Variants in TTC28 observed in about 807,000 individuals in gnomAD.
TTC28 encodes tetratricopeptide repeat protein 28.
In TTC28, 61 loss-of-function variants were observed where a neutral mutation model predicts 198.0. The observed-to-expected ratio is 0.31, with a 90% CI of 0.25 to 0.38. The LOEUF is 0.38. TTC28 is among the 10% of genes least tolerant of loss of function. TTC28 has a pLI of 1.00. For missense variants in TTC28, 2,678 were observed against 3,164.0 expected (o/e 0.85, Z 3.69); for synonymous variants, 1,171 against 1,297.8 (o/e 0.90, Z 2.10).
At chr22:28,670,665 C>T (rs550169965) in intron 1 of TTC28, among the ~76,000 whole-genome samples, 1 of 146,560 alleles carries the variant, frequency 6.8e-6, no homozygotes, top group African/African-American at 2.5e-5. Flanking sequence ...CATGTTCACA[C>T]AAGTTTTTGT....
chr22:28,150,135 T>G (rs1359133227), intron 6 of TTC28, among the ~76,000 whole-genome samples: 1 of 152,166 alleles, frequency 6.6e-6, no homozygotes, highest in African/African-American at 2.4e-5. Flanking sequence ...GTATAAAATA[T>G]TGTCAGGAAG....
At chr22:28,631,710 G>C (rs1245388892) in intron 1 of TTC28, among the ~76,000 whole-genome samples, 1 of 151,980 alleles carries the variant, frequency 6.6e-6, no homozygotes, top group African/African-American at 2.4e-5. Context: ...TTATTTTGTA[G>C]AGACGAAGTC....
intron 2 of TTC28, among the ~76,000 whole-genome samples, chr22:28,543,832 A>G (rs2049473822): frequency 6.6e-6 from 1 of 152,214 alleles, no homozygotes; most frequent in Non-Finnish European, 1.5e-5. Flanking sequence ...ACACAGATGA[A>G]AAAATTCTAA....
At chr22:28,604,270 TCA>T (rs1199781373) in intron 2 of TTC28, among the ~76,000 whole-genome samples, 1 of 126,558 alleles carries the variant, frequency 7.9e-6, no homozygotes, top group Non-Finnish European at 1.7e-5. Flanking sequence ...AGAGCAAGAC[TCA>T]GTCTTAAACA....
intron 5 of TTC28, among the ~76,000 whole-genome samples, chr22:28,249,342 C>T (rs776552171): frequency 3.3e-5 from 5 of 152,080 alleles, no homozygotes; most frequent in Admixed American, 6.6e-5. Flanking sequence ...AAAAAATGCT[C>T]AATATATGTA....
chr22:28,600,286 TC>T (rs1329315629), intron 2 of TTC28, among the ~76,000 whole-genome samples: 1 of 151,776 alleles, frequency 6.6e-6, no homozygotes, highest in Admixed American at 6.6e-5. Context: ...ACGCCTGTAG[TC>T]CCCGCTACCT....
At chr22:28,515,902 T>C (rs1186402135) in intron 2 of TTC28, among the ~76,000 whole-genome samples, 1 of 152,114 alleles carries the variant, frequency 6.6e-6, no homozygotes, top group Non-Finnish European at 1.5e-5. Flanking sequence ...TCTCAGCACT[T>C]TGGAGCCTGA....
At chr22:28,090,360 T>C (rs1941776167) in intron 12 of TTC28, among the ~76,000 whole-genome samples, 1 of 152,110 alleles carries the variant, frequency 6.6e-6, no homozygotes, top group Admixed American at 6.5e-5. Flanking sequence ...ATTTTGTCTA[T>C]GTGATTAAAC....
At position 27,983,642 on chromosome 22, in the gene TTC28, C is replaced by T. The variant is rs1411389866; in HGVS notation, c.6025G>A (p.Glu2009Lys). The change falls in exon 23 of 23, where the codon GAG becomes AAG. Residue 2009 changes from glutamate to lysine, a missense_variant. Around this residue, in one of 8 missense-constraint regions of TTC28, gnomAD observed 622 missense variants for 656.0 expected, o/e 0.95. Transcript: ENST00000397906. The stretch of plus-strand genomic sequence containing the variant: ...GGGCCTCCACCCTCTGATCCACCCT[C>T]GGGTTTGGAGACAAAGCTCATTGAG... ...ASSMSFVSKP[E>K]GGSEGGGPGG... The T allele has an allele frequency of 1.3e-5, 20 of 1,543,234 alleles. No homozygotes were observed. The highest frequency in any genetic ancestry group is 1.0e-4 in the Admixed American group (5 of 49,794).
At chr22:28,547,247 A>G (rs2049565274) in intron 2 of TTC28, among the ~76,000 whole-genome samples, 1 of 152,102 alleles carries the variant, frequency 6.6e-6, no homozygotes, top group South Asian at 2.1e-4. Context: ...TTATGCACAC[A>G]TACACATGGA....
intron 12 of TTC28, among the ~76,000 whole-genome samples, chr22:28,053,597 T>C (rs1167198945): frequency 6.6e-6 from 1 of 152,202 alleles, no homozygotes; most frequent in Non-Finnish European, 1.5e-5. Flanking sequence ...AATGAAGAAA[T>C]GCTGTTGTCC....
At chr22:28,194,243 A>T (rs1925171318) in intron 5 of TTC28, among the ~76,000 whole-genome samples, 1 of 152,184 alleles carries the variant, frequency 6.6e-6, no homozygotes, top group Non-Finnish European at 1.5e-5. Flanking sequence ...ATGAGAACAA[A>T]GACACTACAT....
intron 2 of TTC28, among the ~76,000 whole-genome samples, chr22:28,358,089 T>C (rs2145951473): frequency 6.6e-6 from 1 of 152,334 alleles, no homozygotes; most frequent in South Asian, 2.1e-4. Context: ...CATGTTAACA[T>C]AAAGTACCTT....
chr22:28,509,845 T>A (rs2048664435), intron 2 of TTC28, among the ~76,000 whole-genome samples: 1 of 151,816 alleles, frequency 6.6e-6, no homozygotes, highest in Non-Finnish European at 1.5e-5. Context: ...AAGGGGGATA[T>A]CACCACTGAC....
intron 5 of TTC28, among the ~76,000 whole-genome samples, chr22:28,211,400 G>C (rs961335343): frequency 6.6e-6 from 1 of 152,022 alleles, no homozygotes; most frequent in Non-Finnish European, 1.5e-5. Flanking sequence ...CTCACATGCA[G>C]ACACACACAT....
chr22:28,601,445 A>G (rs1040594803), intron 2 of TTC28, among the ~76,000 whole-genome samples: 3 of 152,118 alleles, frequency 2.0e-5, no homozygotes, highest in Non-Finnish European at 4.4e-5. Flanking sequence ...GAACATATAG[A>G]CTTCTTTTTT....
In TTC28 at chr22:28,014,369, A is replaced by G; in HGVS notation, c.4097T>C (p.Leu1366Pro). 2 of 1,551,168 alleles carry G rather than the reference A, an allele frequency of 1.3e-6. No individual in the cohort carries two copies. The change falls in exon 14 of 23, where the codon CTG becomes CCG. Residue 1366 changes from leucine (L) to proline (P), a missense_variant. Physicochemically the swap from Leu to Pro is moderately conservative, Grantham distance 98. Transcript: ENST00000397906. ...FNRSCQSMTS[L>P]FSNTVSPTQD... Reference sequence around the variant, plus strand: ...GGTCGGTGACACAGTGTTACTGAACAGGCTCGTCATGCTCTGGCAGCTCCT... The same window carrying G: ...GGTCGGTGACACAGTGTTACTGAACGGGCTCGTCATGCTCTGGCAGCTCCT...
chr22:28,031,524 G>A (rs1324405264), intron 12 of TTC28, among the ~76,000 whole-genome samples: 4 of 152,164 alleles, frequency 2.6e-5, no homozygotes, highest in Non-Finnish European at 4.4e-5. Context: ...ACCTCCTGTC[G>A]CTGAGAAGAA....
intron 2 of TTC28, among the ~76,000 whole-genome samples, chr22:28,595,271 A>C (rs1006982518): frequency 6.6e-6 from 1 of 152,206 alleles, no homozygotes; most frequent in Non-Finnish European, 1.5e-5. Context: ...TTTTTGTAGA[A>C]AAGTAAATGG....
Sources: allele counts gnomAD v4.1 joint callset (sites outside exome capture counted in the v4.1 genomes callset), GRCh38; gene constraint gnomAD v4.1.1; regional missense constraint gnomAD v4.1.1; transcripts MANE v1.5; gene names NCBI Gene and HGNC (gene_info 2026-07-23, HGNC 2026-07-21).